ATP1A2: variants seen among roughly 807,000 people sequenced by gnomAD.
ATP1A2 encodes sodium/potassium-transporting ATPase subunit alpha-2.
In ATP1A2, 56 loss-of-function variants were observed where a neutral mutation model predicts 113.1. The observed-to-expected ratio is 0.49, with a 90% confidence interval of 0.40 to 0.62. The LOEUF (loss-of-function observed/expected upper bound fraction) is 0.62. Ranked by LOEUF, ATP1A2 falls within the 20% of genes least tolerant of loss-of-function variation. ATP1A2 has a pLI of 0.00. For synonymous variants in ATP1A2, 490 were observed against 526.8 expected, an observed-to-expected ratio of 0.93 and a Z score of 0.96; for missense variants, 712 against 1,357.8, an observed-to-expected ratio of 0.52 and a Z score of 7.47.
At position 160,134,586 on chromosome 1, in the gene ATP1A2, C is replaced by A. The variant is rs150784486; in HGVS notation, c.1930C>A (p.Arg644=). 22 of 1,614,066 alleles carry A rather than the reference C, an allele frequency of 1.4e-5. No individual in the cohort carries two copies. In the African/African-American group the frequency reaches 2.4e-4, roughly 18 times the overall value. The change falls in exon 14 of 23, where the codon CGG becomes AGG. Residue 644 remains arginine, a synonymous_variant. Coordinates refer to ENST00000361216, the MANE Select transcript of ATP1A2 (RefSeq NM_000702.4). ...GNETVEDIAA[R]LNIPMSQVNP... ...CGAGACTGTGGAGGACATTGCAGCCCGGCTCAACATTCCCATGAGTCAAGT... is the reference window on the plus strand; with the variant it reads ...CGAGACTGTGGAGGACATTGCAGCCAGGCTCAACATTCCCATGAGTCAAGT...
intron 9 of ATP1A2, 53 bp from the exon 10 acceptor site, chr1:160,128,927 G>A (rs1296446813): frequency 9.4e-6 from 15 of 1,600,386 alleles, no homozygotes; most frequent in African/African-American, 1.3e-5. Context: ...GAGTGGTTGA[G>A]ATAAAGGCTC....
At chr1:160,128,270 G>A in intron 8 of ATP1A2, 1 of 448,628 alleles carries the variant, frequency 2.2e-6, no homozygotes, top group Non-Finnish European at 4.2e-6. Context: ...CCTCTCCTCT[G>A]TCCCTTCCTG....
At position 160,115,820 on chromosome 1, in the gene ATP1A2, G is replaced by A; in HGVS notation, c.-42G>A. 1.3e-6 allele frequency: 2 copies of A among 1,580,666 alleles called. No homozygotes were observed. Among genetic ancestry groups the A allele is most frequent in the Non-Finnish European group, 1.7e-6 (2 of 1,163,138 alleles). ...CTGGTGTGGGCTTGGGATCCTCCTG[G>A]TGACCTCTCCCGCTAAGGTCCCTCA... On this transcript the variant is annotated 5_prime_UTR_variant, in exon 1 of 23. It adds an upstream start codon to the 5' untranslated region. Coordinates refer to ENST00000361216, the MANE Select transcript of ATP1A2 (RefSeq NM_000702.4).
chr1:160,127,510 G>C, intron 7 of ATP1A2, 42 bp from the exon 8 acceptor site: 1 of 1,613,322 alleles, frequency 6.2e-7, no homozygotes, highest in Non-Finnish European at 8.5e-7. Context: ...GCAGTCCCTG[G>C]GAGCCACAAG....
rs55858252 is a variant in ATP1A2, at chr1:160,120,918, T to A, written c.25T>A (p.Tyr9Asn). Residue 9 changes from tyrosine (Y) to asparagine (N), a missense_variant, in exon 2 of 23, where the codon TAC becomes AAC. Coordinates refer to ENST00000361216, the MANE Select transcript of ATP1A2 (RefSeq NM_000702.4). ...CTTCCTCCCTCAGGCTGGCCGTGAG[T>A]ACTCACCTGCCGCCACCACGGCAGA... MGRGAGRE[Y>N]SPAATTAENG... 4,842 of 1,596,846 alleles carry A rather than the reference T, an allele frequency of 3.0e-3. 10 individuals carry two copies. Among genetic ancestry groups the A allele is most frequent in the Non-Finnish European group, 3.8e-3 (4,446 of 1,172,114 alleles).
chr1:160,142,438 G>A lies in ATP1A2; in HGVS notation c.*1116G>A, dbSNP rs984365890. 1.3e-5 allele frequency: 2 copies of A among 152,234 alleles called. No individual in the cohort carries two copies. The highest frequency in any genetic ancestry group is 2.9e-5 in the Non-Finnish European group (2 of 68,062). The allele number at this position is 152,234 out of a possible 1,614,324, so 9.4% of individuals were successfully genotyped here. ...TCCCTGAACCTTCCTGTCTCCCAGG[G>A]ACATGTATGCTTCCAGGGACAAGCT... On this transcript the variant is annotated 3_prime_UTR_variant, in exon 23 of 23. Transcript: ENST00000361216.
In ATP1A2 at chr1:160,135,122, C is replaced by A. The variant is rs747804786; in HGVS notation, c.1965-23C>A. On this transcript the variant is annotated intron_variant, in intron 14 of 22. Transcript: ENST00000361216. This position sits in a 1 kb window ranked among gnomAD's most constrained non-coding sequence, Gnocchi z 6.3. Reference sequence around the variant, plus strand: ...GGTACAGGTGCCAGGGGTCAGCTGTCTCTGTCCCCACCCACCCTCCAGAGA... The same window carrying A: ...GGTACAGGTGCCAGGGGTCAGCTGTATCTGTCCCCACCCACCCTCCAGAGA... The A allele has an allele frequency of 6.2e-7, 1 of 1,613,840 alleles. No homozygotes were observed.
Position 160,115,874 on chromosome 1 carries a change from G to C in ATP1A2, c.12+1G>C. The C allele has an allele frequency of 6.2e-7, 1 of 1,601,754 alleles. No homozygotes were observed. Among genetic ancestry groups the C allele is most frequent in the Non-Finnish European group, 8.5e-7 (1 of 1,174,582 alleles). ...ACTCTGCCCCAAGATGGGCCGTGGG[G>C]TGAGTATCCCTAAAGAGCAGGGGTC... On this transcript the variant is annotated splice_donor_variant, in intron 1 of 22. Transcript: ENST00000361216. LOFTEE classifies it high-confidence loss of function.
chr1:160,137,177 G>T lies in ATP1A2; in HGVS notation c.2840+146G>T, dbSNP rs935974240. On this transcript the variant is annotated intron_variant, in intron 20 of 22. Transcript: ENST00000361216. ...TCTTCCATCTGTATATCCATAGATA[G>T]GTTTCATATAGAAGAGAGAAGCCAT... The T allele has an allele frequency of 5.2e-6, 7 of 1,352,726 alleles. No individual in the cohort carries two copies. In the African/African-American group the frequency reaches 1.0e-4, roughly 19 times the overall value. The allele number at this position is 1,352,726 out of a possible 1,614,324, so 83.8% of individuals were successfully genotyped here.
chr1:160,127,461 C>T lies in ATP1A2; in HGVS notation c.749-91C>T, dbSNP rs568182010. The T allele has an allele frequency of 6.3e-6, 10 of 1,589,050 alleles. No homozygotes were observed. The South Asian group carries it at 1.1e-4, about 18-fold the overall frequency. The stretch of plus-strand genomic sequence containing the variant: ...GATCTGCGGCTTTGGCTCACCTATC[C>T]TGTGATGATTTTCCTTGCTCAGGAA... On this transcript the variant is annotated intron_variant, in intron 7 of 22. Coordinates refer to ENST00000361216, the MANE Select transcript of ATP1A2 (RefSeq NM_000702.4).
At chr1:160,128,896 A>AG (rs1431273560) in intron 9 of ATP1A2, 46 bp downstream of exon 9, 1 of 1,611,970 alleles carries the variant, frequency 6.2e-7, no homozygotes. Flanking sequence ...GAGGAGGCTG[A>AG]GGGCAGTGGC....
At chr1:160,127,049 T>C (rs1250963917) in intron 7 of ATP1A2, among the ~76,000 whole-genome samples, 1 of 152,128 alleles carries the variant, frequency 6.6e-6, no homozygotes, top group African/African-American at 2.4e-5. Context: ...ATGTGCATGC[T>C]TTTTTCAATA....
chr1:160,141,271 T>A, intron 22 of ATP1A2, 23 bp from the exon 23 acceptor site: 1 of 1,613,910 alleles, frequency 6.2e-7, no homozygotes, highest in South Asian at 1.1e-5. Context: ...TGCTGCAATC[T>A]CCACTCCCAA....
chr1:160,134,434 G>C, intron 13 of ATP1A2, 50 bp from the exon 14 acceptor site: 1 of 1,613,604 alleles, frequency 6.2e-7, no homozygotes, highest in Non-Finnish European at 8.5e-7. Context: ...AACAGGAGGG[G>C]GATAAACCCT....
chr1:160,125,685 G>C (rs1239491847), intron 7 of ATP1A2: 1 of 209,286 alleles, frequency 4.8e-6, no homozygotes, highest in East Asian at 1.2e-4. Context: ...CAGGGCCCCA[G>C]GGTCTGGGAG....
rs115149937 is a variant in ATP1A2 at position 160,118,150 on chromosome 1, G to A, written c.12+2277G>A. Among the ~76,000 whole-genome samples, 1,266 of 152,374 alleles carry A rather than the reference G, an allele frequency of 8.3e-3. 16 individuals carry two copies. Among genetic ancestry groups the A allele is most frequent in the African/African-American group, 0.029 (1,196 of 41,588 alleles). On this transcript the variant is annotated intron_variant, in intron 1 of 22. Transcript: ENST00000361216. ...GGAGCTTGGGAAAAGGAGGCACTGC[G>A]TGGAGCTGCTTAGCTCAGCCACAAT... is the stretch of plus-strand genomic sequence containing the variant.
chr1:160,122,572 A>C (rs1651448685), intron 3 of ATP1A2, among the ~76,000 whole-genome samples: 1 of 152,194 alleles, frequency 6.6e-6, no homozygotes, highest in Non-Finnish European at 1.5e-5. Flanking sequence ...AAGCATCTGA[A>C]CCAGCCTGGG....
chr1:160,122,110 C>T (rs537560868), intron 3 of ATP1A2, among the ~76,000 whole-genome samples: 1 of 152,150 alleles, frequency 6.6e-6, no homozygotes, highest in African/African-American at 2.4e-5. Flanking sequence ...CCAGACTGGG[C>T]GATAGAGTGA....
intron 1 of ATP1A2, 148 bp downstream of exon 1, chr1:160,116,021 C>A: frequency 1.5e-6 from 2 of 1,347,616 alleles, no homozygotes; most frequent in Non-Finnish European, 2.1e-6. Context: ...TCCAAACTAC[C>A]AATGTGTGTA....
Sources: gnomAD v4.1 joint callset for allele counts (sites outside exome capture counted in the v4.1 genomes callset) on GRCh38, gnomAD v4.1.1 for gene constraint, Gnocchi (gnomAD v3.1) non-coding constraint, MANE v1.5 for transcripts, NCBI Gene and HGNC (gene_info 2026-07-23, HGNC 2026-07-21) for gene names.